The following CSF1R variants were observed in gnomAD, a reference collection of about 807,000 sequenced individuals.
The protein encoded by CSF1R is colony stimulating factor 1 receptor, also known as macrophage colony-stimulating factor 1 receptor.
CSF1R carries 40 observed loss-of-function variants against 110.0 expected under a neutral mutation model. That is an observed-to-expected ratio of 0.36 (90% CI 0.28 to 0.47). The LOEUF (loss-of-function observed/expected upper bound fraction) is 0.47. Ranked by LOEUF, CSF1R falls within the 20% of genes least tolerant of loss-of-function variation. CSF1R has a pLI of 0.99. For synonymous variants in CSF1R, 523 were observed against 503.4 expected, an observed-to-expected ratio of 1.04 and a Z score of -0.52; for missense variants, 1,052 against 1,253.0, an observed-to-expected ratio of 0.84 and a Z score of 2.42.
At chr5:150,076,321 CCTATCTATCTATCTATCTAT>C (rs59302630) in intron 5 of CSF1R, among the ~76,000 whole-genome samples, 3,094 of 148,104 alleles carry the variant, frequency 0.021, 98 homozygotes, top group African/African-American at 0.067. Context: ...CTAAGTACTT[CCTATCTATCTATCTATCTAT>C]CTATCTATCT....
intron 1 of CSF1R, among the ~76,000 whole-genome samples, chr5:150,084,452 A>AAGGAAGGAAGGAAGGAAGGG: frequency 1.2e-5 from 1 of 84,188 alleles, no homozygotes; most frequent in Non-Finnish European, 2.4e-5. Flanking sequence ...GGAAGGAAGG[A>AAGGAAGGAAGGAAGGAAGGG]AGGAAGAAAG....
At position 150,061,474 on chromosome 5, in the gene CSF1R, C is replaced by T. The variant is rs1217281641; in HGVS notation, c.1858+17G>A. The T allele has an allele frequency of 8.5e-7, 1 of 1,180,582 alleles. No individual in the cohort carries two copies. Among genetic ancestry groups the T allele is most frequent in the Non-Finnish European group, 1.2e-6 (1 of 836,100 alleles). The allele number at this position is 1,180,582 out of a possible 1,614,324, so 73.1% of individuals were successfully genotyped here. On this transcript the variant is annotated intron_variant, in intron 12 of 20. Coordinates refer to ENST00000675795, the MANE Select transcript of CSF1R (RefSeq NM_001288705.3). The stretch of plus-strand genomic sequence containing the variant: ...TACCACCCCCCATCCCTTCCCTCAT[C>T]CCCTCCCCTCACTCACACTTCAGCA...
rs150123688 is a variant in CSF1R, at chr5:150,068,134, G to A, written c.1626+81C>T. On this transcript the variant is annotated intron_variant, in intron 10 of 20. Transcript: ENST00000675795. ...TGATGGACTGACTGAGGAGGAGGAAGGGTGAATCCATGCAGCCTGGGGGTA... is the reference window on the plus strand; with the variant it reads ...TGATGGACTGACTGAGGAGGAGGAAAGGTGAATCCATGCAGCCTGGGGGTA... 414 of 1,050,464 alleles carry A rather than the reference G, an allele frequency of 3.9e-4. 2 individuals carry two copies. The African/African-American group carries it at 5.9e-3, about 15-fold the overall frequency. The allele number at this position is 1,050,464 out of a possible 1,614,324, so 65.1% of individuals were successfully genotyped here.
chr5:150,058,141 G>A, intron 14 of CSF1R: 1 of 451,852 alleles, frequency 2.2e-6, no homozygotes, highest in Non-Finnish European at 4.4e-6. Flanking sequence ...CTGGTCTAGA[G>A]CAGTGCTGCT....
chr5:150,059,193 C>T (rs539777811), intron 14 of CSF1R, among the ~76,000 whole-genome samples: 75 of 152,090 alleles, frequency 4.9e-4, no homozygotes, highest in Non-Finnish European at 8.1e-4. Context: ...TATAGGCATG[C>T]GCCACCACGC....
intron 10 of CSF1R, among the ~76,000 whole-genome samples, chr5:150,067,974 C>T (rs965032795): frequency 1.3e-5 from 2 of 152,202 alleles, no homozygotes; most frequent in Admixed American, 6.5e-5. Flanking sequence ...CAGGTGTGCC[C>T]TTGCTTTAAT....
At chr5:150,097,136 C>A (rs536336128) in intron 1 of CSF1R, among the ~76,000 whole-genome samples, 1 of 152,256 alleles carries the variant, frequency 6.6e-6, no homozygotes, top group South Asian at 2.1e-4. Context: ...GTGATGCACA[C>A]CTATAGTCCT....
Position 150,057,313 on chromosome 5 carries a change from C to G in CSF1R, c.2293G>C (p.Gly765Arg). ...LLHFSSQVAQ[G>R]MAFLASKNCI... is the part of the protein sequence containing the mutation. The stretch of plus-strand genomic sequence containing the variant: ...TTCTTGGAAGCGAGGAAGGCCATGC[C>G]CTGGGCTACTTGGCTGGAGAAGTGA... The change falls in exon 16 of 21, where the codon GGC becomes CGC. Residue 765 changes from glycine (G) to arginine (R), a missense_variant. Physicochemically the swap from Gly to Arg is moderately radical, Grantham distance 125 (BLOSUM62 -2). Around this residue, in one of 5 missense-constraint regions of CSF1R, gnomAD observed 124 missense variants for 117.7 expected, o/e 1.05. Coordinates refer to ENST00000675795, the MANE Select transcript of CSF1R (RefSeq NM_001288705.3). 1 of 1,613,828 alleles carries G rather than the reference C, an allele frequency of 6.2e-7. No individual in the cohort carries two copies. The highest frequency in any genetic ancestry group is 8.5e-7 in the Non-Finnish European group (1 of 1,180,006).
Position 150,109,078 on chromosome 5 carries a change from G to T in CSF1R, c.-181+4183C>A, listed in dbSNP as rs531907728. On this transcript the variant is annotated intron_variant, in intron 1 of 21. Coordinates refer to the CSF1R transcript ENST00000286301. ...AGCCCGCCCCCCCCCCACCACCCAA[G>T]AAATTCCAGGAGCCACATTCTGTGT... Among the ~76,000 whole-genome samples the T allele has an allele frequency of 1.2e-4, 8 of 66,526 alleles. No homozygotes were observed. The South Asian group carries it at 3.6e-3, about 30-fold the overall frequency. The allele number at this position is 66,526 out of a possible 152,430, so 43.6% of individuals were successfully genotyped here.
chr5:150,077,948 A>T (rs942954385), intron 4 of CSF1R, among the ~76,000 whole-genome samples, 164 bp downstream of exon 4: 1 of 148,372 alleles, frequency 6.7e-6, no homozygotes, highest in Non-Finnish European at 1.5e-5. Flanking sequence ...TCAGCTACTG[A>T]CTGGGAGTGA....
Position 150,080,351 on chromosome 5 carries a change from G to A in CSF1R, c.308-15C>T, listed in dbSNP as rs768715367. 9 of 1,608,116 alleles carry A rather than the reference G, an allele frequency of 5.6e-6. No homozygotes were observed. Among genetic ancestry groups the A allele is most frequent in the African/African-American group, 1.3e-5 (1 of 74,866 alleles). On this transcript the variant is annotated splice_polypyrimidine_tract_variant and intron_variant, in intron 2 of 20. Transcript: ENST00000675795. ...CCGGGCAGGGTCTAGAGTAGAGGAG[G>A]GCACAGGGTTACAACTGCCCTCCCT...
rs750286853 is a variant in CSF1R at position 150,077,247 on chromosome 5, C to T, written c.889+29G>A. ...GCTCACACTCCTGCAGGATCCCTAC[C>T]GACTGTCCACCACCACCCTGATGCT... On this transcript the variant is annotated intron_variant, in intron 5 of 20. Transcript: ENST00000675795. 4.5e-5 allele frequency: 73 copies of T among 1,613,900 alleles called. No individual in the cohort carries two copies. In the Middle Eastern group the frequency reaches 4.9e-4, roughly 11 times the overall value.
In CSF1R at chr5:150,077,270, G is replaced by A. The variant is rs1758307055; in HGVS notation, c.889+6C>T. The A allele has an allele frequency of 6.2e-7, 1 of 1,614,206 alleles. No homozygotes were observed. The highest frequency in any genetic ancestry group is 8.5e-7 in the Non-Finnish European group (1 of 1,180,034). On this transcript the variant is annotated splice_donor_region_variant and intron_variant, in intron 5 of 20. Transcript: ENST00000675795. ...ACCGACTGTCCACCACCACCCTGAT[G>A]CTTACCTACCACCCGGAAGAACATG...
At chr5:150,056,663 C>T (rs751195418) in intron 16 of CSF1R, among the ~76,000 whole-genome samples, 1 of 152,040 alleles carries the variant, frequency 6.6e-6, no homozygotes, top group African/African-American at 2.4e-5. Flanking sequence ...CCAAACCCTA[C>T]CGTTACTTCT....
chr5:150,100,132 C>T (rs1196276154), intron 1 of CSF1R, among the ~76,000 whole-genome samples: 3 of 151,744 alleles, frequency 2.0e-5, no homozygotes, highest in Admixed American at 6.6e-5. Context: ...ATCCCTTGAG[C>T]CCAGAAGTTC....
chr5:150,100,290 CTTTTTTT>C (rs752638971), intron 1 of CSF1R, among the ~76,000 whole-genome samples: 3 of 89,348 alleles, frequency 3.4e-5, no homozygotes, highest in African/African-American at 1.4e-4. Context: ...ATTGGCTAAC[CTTTTTTT>C]TTTTTTTTTT....
At chr5:150,103,241 T>C (rs1759457053) in intron 1 of CSF1R, among the ~76,000 whole-genome samples, 2 of 152,250 alleles carry the variant, frequency 1.3e-5, no homozygotes, top group South Asian at 4.1e-4. Context: ...CTGTGCCCCT[T>C]GGCGCATTTC....
At chr5:150,076,321 C>CCTATCTATCTAT (rs59302630) in intron 5 of CSF1R, among the ~76,000 whole-genome samples, 5 of 147,998 alleles carry the variant, frequency 3.4e-5, no homozygotes, top group Non-Finnish European at 6.0e-5. Context: ...CTAAGTACTT[C>CCTATCTATCTAT]CTATCTATCT....
chr5:150,069,110 C>T lies in CSF1R; in HGVS notation c.1510+763G>A, dbSNP rs139302016. On this transcript the variant is annotated intron_variant, in intron 9 of 20. Transcript: ENST00000675795. ...TAATATACAACCTCCAGCAGTGAGG[C>T]CCAGCGCGGCCGCAGGCTCCTGCTT... is the stretch of plus-strand genomic sequence containing the variant. Among the ~76,000 whole-genome samples, 1,418 of 152,318 alleles carry T rather than the reference C, an allele frequency of 9.3e-3. 20 individuals carry two copies. Among genetic ancestry groups the T allele is most frequent in the African/African-American group, 0.032 (1,315 of 41,578 alleles).
Sources: allele counts gnomAD v4.1 joint callset (sites outside exome capture counted in the v4.1 genomes callset), GRCh38; gene constraint gnomAD v4.1.1; regional missense constraint gnomAD v4.1.1; transcripts MANE v1.5; gene names NCBI Gene and HGNC (gene_info 2026-07-23, HGNC 2026-07-21).